The following PCDHGA1 variants were observed in gnomAD, a reference collection of about 807,000 sequenced individuals.
PCDHGA1 encodes protocadherin gamma-A1.
In PCDHGA1, 32 loss-of-function variants were observed where a neutral mutation model predicts 58.0. The observed-to-expected ratio is 0.55, with a 90% CI of 0.42 to 0.74. PCDHGA1 has a LOEUF of 0.74. Ranked by LOEUF, PCDHGA1 falls within the 30% of genes least tolerant of loss-of-function variation. The pLI, the probability that PCDHGA1 is intolerant of heterozygous loss-of-function variation, is 0.00. For synonymous variants in PCDHGA1, 498 were observed against 501.1 expected (o/e 0.99, Z 0.08); for missense variants, 1,205 against 1,182.3 (o/e 1.02, Z -0.28).
In PCDHGA1 at chr5:141,512,385, A is replaced by G. The variant is rs78180647; in HGVS notation, c.*1212A>G. 6,750 of 152,704 alleles carry G rather than the reference A, an allele frequency of 0.044. 413 individuals carry two copies. Among genetic ancestry groups the G allele is most frequent in the Admixed American group, 0.18 (2,745 of 15,296 alleles). The allele number at this position is 152,704 out of a possible 1,614,324, so 9.5% of individuals were successfully genotyped here. ...TAGGGCAGGGACCAAATGAACAGAAAGTCTCAGCCCAGGATGGGGCTTCTT... is the reference window on the plus strand; with the variant it reads ...TAGGGCAGGGACCAAATGAACAGAAGGTCTCAGCCCAGGATGGGGCTTCTT... On this transcript the variant is annotated 3_prime_UTR_variant, in exon 4 of 4. Coordinates refer to ENST00000517417, the MANE Select transcript of PCDHGA1 (RefSeq NM_018912.3).
intron 1 of PCDHGA1, chr5:141,410,849 CTTTTTT>C (rs759346998): frequency 3.0e-4 from 42 of 138,124 alleles, no homozygotes; most frequent in Middle Eastern, 4.3e-3. Context: ...TTGTCTTTGT[CTTTTTT>C]TTTTTTTTTT....
intron 1 of PCDHGA1, chr5:141,339,576 G>A (rs1389707234): frequency 6.2e-7 from 1 of 1,614,058 alleles, no homozygotes; most frequent in African/African-American, 1.3e-5. Flanking sequence ...TCTCTGGACC[G>A]CGAGGAAGAG....
At chr5:141,508,732 C>A (rs1037039751) in intron 3 of PCDHGA1, among the ~76,000 whole-genome samples, 3 of 151,880 alleles carry the variant, frequency 2.0e-5, no homozygotes, top group Non-Finnish European at 4.4e-5. Flanking sequence ...GGAGACTACA[C>A]CCCCCACCCC....
chr5:141,409,802 G>A (rs2095317294), intron 1 of PCDHGA1: 10 of 1,611,810 alleles, frequency 6.2e-6, no homozygotes, highest in Non-Finnish European at 7.6e-6. Context: ...CACGCTGCAG[G>A]CCCGCGACCA....
chr5:141,483,243 ATATATCATGAGGTTTTTTTGTT>A (rs555469799), intron 1 of PCDHGA1, among the ~76,000 whole-genome samples: 11 of 151,654 alleles, frequency 7.3e-5, no homozygotes, highest in African/African-American at 2.2e-4. Context: ...ACTGATATGC[ATATATCATGAGGTTTTTTTGTT>A]TTAGAAATAT....
intron 1 of PCDHGA1, chr5:141,365,998 C>G: frequency 6.2e-7 from 1 of 1,614,234 alleles, no homozygotes. Context: ...TGGACCAGAA[C>G]GACAATACGC....
In PCDHGA1 at chr5:141,476,178, T is replaced by G; in HGVS notation, c.2422-18629T>G. Reference sequence around the variant, plus strand: ...ACCGGGAGGGTAGTGGGAGTTTTGCTTCTGCTTGGTGCCTTGAACAAGGCT... The same window carrying G: ...ACCGGGAGGGTAGTGGGAGTTTTGCGTCTGCTTGGTGCCTTGAACAAGGCT... On this transcript the variant is annotated intron_variant, in intron 1 of 3. Transcript: ENST00000517417. This position sits in a 1 kb window ranked among gnomAD's most constrained non-coding sequence, Gnocchi z 7.6. The G allele has an allele frequency of 3.1e-6, 5 of 1,613,632 alleles. No homozygotes were observed. Among genetic ancestry groups the G allele is most frequent in the Non-Finnish European group, 4.2e-6 (5 of 1,180,000 alleles).
chr5:141,372,439 C>G, intron 1 of PCDHGA1: 2 of 1,614,068 alleles, frequency 1.2e-6, no homozygotes, highest in Non-Finnish European at 1.7e-6. Context: ...CCCACTCCCT[C>G]TGACCCTCAG....
chr5:141,342,751 C>A (rs1221029640), intron 1 of PCDHGA1: 1 of 152,174 alleles, frequency 6.6e-6, no homozygotes, highest in Non-Finnish European at 1.5e-5. Flanking sequence ...ATATGTAATG[C>A]ATCATGATTG....
intron 1 of PCDHGA1, among the ~76,000 whole-genome samples, chr5:141,349,390 A>G (rs893933171): frequency 6.6e-6 from 1 of 152,168 alleles, no homozygotes; most frequent in Non-Finnish European, 1.5e-5. Flanking sequence ...CATTCATATA[A>G]AAAAGAAGCA....
Position 141,487,660 on chromosome 5 carries a change from T to C in PCDHGA1, c.2422-7147T>C. Reference sequence around the variant, plus strand: ...AACAAATGCTTGAGGGTTATTCTGATCCAGGCATATGGCTAGGCCATGTCC... The same window carrying C: ...AACAAATGCTTGAGGGTTATTCTGACCCAGGCATATGGCTAGGCCATGTCC... On this transcript the variant is annotated intron_variant, in intron 1 of 3. Coordinates refer to ENST00000517417, the MANE Select transcript of PCDHGA1 (RefSeq NM_018912.3). The surrounding 1 kb of genome is among the most constrained non-coding windows in gnomAD (Gnocchi z 5.0). The C allele has an allele frequency of 6.2e-7, 1 of 1,613,442 alleles. No homozygotes were observed. The highest frequency in any genetic ancestry group is 8.5e-7 in the Non-Finnish European group (1 of 1,179,710).
intron 1 of PCDHGA1, chr5:141,346,610 T>G: frequency 8.6e-7 from 1 of 1,156,972 alleles, no homozygotes; most frequent in Non-Finnish European, 1.2e-6. Flanking sequence ...GGGCCTATAG[T>G]AGGACTGCAC....
chr5:141,345,438 G>A (rs761923171), intron 1 of PCDHGA1: 5 of 1,613,968 alleles, frequency 3.1e-6, no homozygotes, highest in Middle Eastern at 1.6e-4. Flanking sequence ...CCCCAGAGGA[G>A]CCTCCATCTT....
chr5:141,401,888 TTC>T (rs1281227155), intron 1 of PCDHGA1, among the ~76,000 whole-genome samples: 3 of 152,232 alleles, frequency 2.0e-5, no homozygotes, highest in Non-Finnish European at 2.9e-5. Flanking sequence ...ATATTTTGTG[TTC>T]TTTTTCCCAA....
intron 1 of PCDHGA1, among the ~76,000 whole-genome samples, chr5:141,429,654 T>C (rs1373502548): frequency 6.6e-6 from 1 of 152,232 alleles, no homozygotes; most frequent in Non-Finnish European, 1.5e-5. Context: ...TTCTTCCCAA[T>C]TTAAAATATA....
intron 1 of PCDHGA1, chr5:141,377,304 A>G (rs1051630740): frequency 2.6e-5 from 4 of 152,154 alleles, no homozygotes; most frequent in African/African-American, 9.7e-5. Context: ...GGTCAGTGTT[A>G]AAGATCAAGA....
chr5:141,485,674 T>C lies in PCDHGA1; in HGVS notation c.2422-9133T>C. 1 of 1,612,986 alleles carries C rather than the reference T, an allele frequency of 6.2e-7. No homozygotes were observed. Among genetic ancestry groups the C allele is most frequent in the South Asian group, 1.1e-5 (1 of 91,072 alleles). Reference sequence around the variant, plus strand: ...ATGCAGATGTGGGGAGCAATTCGATTAGCAGCTATAGGCTGAGCTCCAATG... The same window carrying C: ...ATGCAGATGTGGGGAGCAATTCGATCAGCAGCTATAGGCTGAGCTCCAATG... On this transcript the variant is annotated intron_variant, in intron 1 of 3. Transcript: ENST00000517417. This position sits in a 1 kb window ranked among gnomAD's most constrained non-coding sequence, Gnocchi z 5.7.
intron 1 of PCDHGA1, chr5:141,413,635 A>C: frequency 6.2e-7 from 1 of 1,613,888 alleles, no homozygotes; most frequent in Non-Finnish European, 8.5e-7. Context: ...CGCTGCGGGA[A>C]TGCGTTTTCC....
At position 141,511,575 on chromosome 5, in the gene PCDHGA1, T is replaced by C. The variant is rs930675653; in HGVS notation, c.*402T>C. On this transcript the variant is annotated 3_prime_UTR_variant, in exon 4 of 4. Transcript: ENST00000517417. ...AGTTCCTCTTTCCCGAGTAAGGTGG[T>C]TGGGGTGTTGAAGTACCAAGTAACC... 28 of 287,258 alleles carry C rather than the reference T, an allele frequency of 9.7e-5. No individual in the cohort carries two copies. Among genetic ancestry groups the C allele is most frequent in the Middle Eastern group, 1.3e-3 (1 of 784 alleles). The allele number at this position is 287,258 out of a possible 1,614,324, so 17.8% of individuals were successfully genotyped here.
Sources: allele counts gnomAD v4.1 joint callset (sites outside exome capture counted in the v4.1 genomes callset), GRCh38; gene constraint gnomAD v4.1.1; non-coding constraint Gnocchi (gnomAD v3.1); transcripts MANE v1.5; gene names NCBI Gene and HGNC (gene_info 2026-07-23, HGNC 2026-07-21).